ADIPOR2: variants seen among roughly 807,000 people sequenced by gnomAD.
ADIPOR2 encodes the protein adiponectin receptor 2, also known as adiponectin receptor protein 2.
Under a neutral mutation model 40.9 loss-of-function variants are expected in ADIPOR2, and 18 were observed. That is an observed-to-expected ratio of 0.44 (90% CI 0.30 to 0.65). ADIPOR2 has a LOEUF of 0.65. ADIPOR2 is among the 30% of genes least tolerant of loss of function. The pLI is 0.09. For missense variants in ADIPOR2, 283 were observed against 479.2 expected, an observed-to-expected ratio of 0.59 and a Z score of 3.82; for synonymous variants, 165 against 166.4, an observed-to-expected ratio of 0.99 and a Z score of 0.06.
At chr12:1,721,594 C>T (rs183203207) in intron 1 of ADIPOR2, among the ~76,000 whole-genome samples, 2 of 152,296 alleles carry the variant, frequency 1.3e-5, no homozygotes, top group East Asian at 3.9e-4. Context: ...CAGATAATGT[C>T]TCTACTCTCA....
chr12:1,723,050 T>C (rs2094700867), intron 1 of ADIPOR2, among the ~76,000 whole-genome samples: 1 of 152,218 alleles, frequency 6.6e-6, no homozygotes, highest in Non-Finnish European at 1.5e-5. Context: ...TTCCTTTCTT[T>C]AAAATGCCCC....
intron 1 of ADIPOR2, among the ~76,000 whole-genome samples, chr12:1,721,405 G>T (rs1278014680): frequency 3.3e-5 from 5 of 151,802 alleles, no homozygotes; most frequent in African/African-American, 1.2e-4. Flanking sequence ...TAGTACAGAT[G>T]GGGTTTCACC....
chr12:1,750,024 G>A (rs2094765542), intron 1 of ADIPOR2, among the ~76,000 whole-genome samples: 2 of 151,408 alleles, frequency 1.3e-5, no homozygotes, highest in African/African-American at 4.8e-5. Flanking sequence ...TTTTTTTAGT[G>A]ACATGGTCTT....
intron 1 of ADIPOR2, among the ~76,000 whole-genome samples, chr12:1,738,984 A>G (rs1010941741): frequency 1.3e-5 from 2 of 152,156 alleles, no homozygotes; most frequent in Non-Finnish European, 1.5e-5. Flanking sequence ...ATATTCAGCA[A>G]AATTTCTTTT....
chr12:1,759,863 A>G (rs543322271), intron 2 of ADIPOR2, among the ~76,000 whole-genome samples: 2 of 152,118 alleles, frequency 1.3e-5, no homozygotes, highest in African/African-American at 4.8e-5. Flanking sequence ...CGTCTCTACG[A>G]AAAATACAAA....
At chr12:1,747,772 T>G (rs1319044678) in intron 1 of ADIPOR2, among the ~76,000 whole-genome samples, 1 of 152,200 alleles carries the variant, frequency 6.6e-6, no homozygotes, top group East Asian at 1.9e-4. Flanking sequence ...CCATTGTTTC[T>G]GCTTAGAAGT....
intron 2 of ADIPOR2, among the ~76,000 whole-genome samples, chr12:1,755,599 T>C (rs559788460): frequency 6.6e-6 from 1 of 152,372 alleles, no homozygotes; most frequent in South Asian, 2.1e-4. Context: ...AAGCAGATTT[T>C]ATTCTTTCAT....
intron 1 of ADIPOR2, among the ~76,000 whole-genome samples, chr12:1,749,392 A>G (rs2094763971): frequency 6.6e-6 from 1 of 152,362 alleles, no homozygotes; most frequent in East Asian, 1.9e-4. Context: ...GGCAGGAGAA[A>G]GAGGCCTGCC....
At chr12:1,754,143 A>G in intron 1 of ADIPOR2, 115 bp from the exon 2 acceptor site, 1 of 435,712 alleles carries the variant, frequency 2.3e-6, no homozygotes, top group Non-Finnish European at 3.9e-6. Flanking sequence ...TTTTAAGTAC[A>G]TTATTCTTTT....
At chr12:1,738,094 T>C in intron 1 of ADIPOR2, among the ~76,000 whole-genome samples, 1 of 150,592 alleles carries the variant, frequency 6.6e-6, no homozygotes, top group East Asian at 1.9e-4. Flanking sequence ...AGTTTATGGC[T>C]GGGTGTGGTA....
chr12:1,753,430 G>A, intron 1 of ADIPOR2, among the ~76,000 whole-genome samples: 1 of 152,226 alleles, frequency 6.6e-6, no homozygotes, highest in East Asian at 1.9e-4. Context: ...GCACTCAAGA[G>A]CATTGAGATA....
At chr12:1,772,043 C>T (rs1862502939) in intron 2 of ADIPOR2, among the ~76,000 whole-genome samples, 1 of 152,234 alleles carries the variant, frequency 6.6e-6, no homozygotes, top group Non-Finnish European at 1.5e-5. Context: ...TCCTGACTTG[C>T]AGTCTACTGC....
chr12:1,768,391 T>A lies in ADIPOR2; in HGVS notation c.172-4451T>A, dbSNP rs568031818. ...TATCTCATCTTTGCAAAATTTTTAT[T>A]CTTCATGCAGGCTTTCCTGAGCCTC... is the stretch of plus-strand genomic sequence containing the variant. On this transcript the variant is annotated intron_variant, in intron 2 of 7. Transcript: ENST00000357103. Among the ~76,000 whole-genome samples, 3 of 152,334 alleles carry A rather than the reference T, an allele frequency of 2.0e-5. No individual in the cohort carries two copies. The South Asian group carries it at 6.2e-4, about 32-fold the overall frequency.
intron 2 of ADIPOR2, among the ~76,000 whole-genome samples, chr12:1,764,303 G>T (rs1862329228): frequency 6.6e-6 from 1 of 152,070 alleles, no homozygotes; most frequent in Admixed American, 6.5e-5. Context: ...ATCCAGTTAG[G>T]TATCTTTGCT....
At position 1,772,941 on chromosome 12, in the gene ADIPOR2, A is replaced by T; in HGVS notation, c.271A>T (p.Met91Leu). The stretch of plus-strand genomic sequence containing the variant: ...ACAAGCCCATCATGCTATGGAAAAA[A>T]TGGAAGAATTTGTTTGTAAGGTAAG... Reference protein sequence around the residue: ...LLQAHHAMEKMEEFVCKVWEG... With the variant: ...LLQAHHAMEKLEEFVCKVWEG... Residue 91 changes from methionine to leucine, a missense_variant, in exon 3 of 8, where the codon ATG (methionine) becomes TTG (leucine). Coordinates refer to ENST00000357103, the MANE Select transcript of ADIPOR2 (RefSeq NM_024551.3). The T allele has an allele frequency of 6.2e-7, 1 of 1,613,560 alleles. No homozygotes were observed. The highest frequency in any genetic ancestry group is 8.5e-7 in the Non-Finnish European group (1 of 1,179,714).
intron 1 of ADIPOR2, among the ~76,000 whole-genome samples, chr12:1,733,877 C>T (rs922735946): frequency 6.0e-5 from 9 of 150,982 alleles, no homozygotes; most frequent in South Asian, 4.2e-4. Context: ...TTGTCCTTGG[C>T]GATAGTTTGC....
At chr12:1,740,074 C>G (rs2094739320) in intron 1 of ADIPOR2, among the ~76,000 whole-genome samples, 1 of 152,028 alleles carries the variant, frequency 6.6e-6, no homozygotes, top group Non-Finnish European at 1.5e-5. Flanking sequence ...TGTACTCCAG[C>G]CTGGGCGACA....
At chr12:1,718,911 G>A (rs932513207) in intron 1 of ADIPOR2, among the ~76,000 whole-genome samples, 1 of 152,198 alleles carries the variant, frequency 6.6e-6, no homozygotes, top group Non-Finnish European at 1.5e-5. Context: ...AAAAAGAAGT[G>A]TAGTGATACA....
chr12:1,754,979 G>C (rs1325199374), intron 2 of ADIPOR2, among the ~76,000 whole-genome samples: 2 of 118,400 alleles, frequency 1.7e-5, no homozygotes. Flanking sequence ...CTCCCAAAGT[G>C]CTGGGATTAC....
Sources: allele counts gnomAD v4.1 joint callset (sites outside exome capture counted in the v4.1 genomes callset), GRCh38; gene constraint gnomAD v4.1.1; transcripts MANE v1.5; gene names NCBI Gene and HGNC (gene_info 2026-07-23, HGNC 2026-07-21).